TMEM276: variants seen among roughly 807,000 people sequenced by gnomAD.
The protein encoded by TMEM276 is transmembrane protein 276.
At chr8:144,466,830 G>T in the TMEM276 span, 1 of 1,536,850 alleles carries the variant, frequency 6.5e-7, no homozygotes, top group Non-Finnish European at 8.7e-7. Flanking sequence ...GAGCTGACCG[G>T]CCTGGCCGGT....
the TMEM276 span, chr8:144,465,390 C>G: frequency 9.7e-7 from 1 of 1,027,696 alleles, no homozygotes; most frequent in Non-Finnish European, 1.2e-6. Flanking sequence ...GAGCGGGAGG[C>G]CCGAGCCTGC....
the TMEM276 span, chr8:144,465,026 G>A: frequency 1.3e-6 from 2 of 1,536,244 alleles, no homozygotes; most frequent in Admixed American, 2.0e-5. Flanking sequence ...CCAGGTTCCA[G>A]GTCCCCATTA....
the TMEM276 span, chr8:144,464,162 G>C: frequency 6.2e-7 from 1 of 1,612,830 alleles, no homozygotes; most frequent in South Asian, 1.1e-5. Flanking sequence ...TGCAGGGCCC[G>C]GCAGTAAGCC....
the TMEM276 span, chr8:144,464,992 C>T: frequency 3.9e-6 from 6 of 1,551,464 alleles, no homozygotes; most frequent in African/African-American, 2.7e-5. Flanking sequence ...GACCTGGAGC[C>T]CTACGCGCGG....
the TMEM276 span, chr8:144,466,906 C>T: frequency 2.2e-5 from 35 of 1,559,514 alleles, no homozygotes; most frequent in African/African-American, 5.4e-5. Context: ...GGGCGGAGGC[C>T]TGGCTCAAGC....
At chr8:144,466,324 G>A in the TMEM276 span, 1 of 333,926 alleles carries the variant, frequency 3.0e-6, no homozygotes, top group Non-Finnish European at 4.8e-6. Context: ...CGGCCGTCGC[G>A]AGCATGCGCA....
At chr8:144,465,189 C>T in the TMEM276 span, 1 of 1,324,668 alleles carries the variant, frequency 7.5e-7, no homozygotes. Context: ...GGCCCTGGAG[C>T]CCAAGTGGGA....
the TMEM276 span, chr8:144,466,191 G>A: frequency 1.1e-5 from 2 of 177,024 alleles, no homozygotes; most frequent in Non-Finnish European, 2.3e-5. Flanking sequence ...GCGGTGTAGG[G>A]GTTGGGGCGC....
At chr8:144,466,020 AG>A in the TMEM276 span, 1 of 470 alleles carries the variant, frequency 2.1e-3, no homozygotes, top group Non-Finnish European at 7.4e-3. Context: ...GGCGGGGCTG[AG>A]ATGGGCGGGG....
chr8:144,466,474 G>T, the TMEM276 span: 2 of 1,346,024 alleles, frequency 1.5e-6, no homozygotes, highest in Non-Finnish European at 1.9e-6. Context: ...CTTCCGCAGG[G>T]ATGGTGGCGC....
the TMEM276 span, chr8:144,465,101 G>A: frequency 1.7e-5 from 25 of 1,502,514 alleles, no homozygotes; most frequent in Admixed American, 4.2e-4. Flanking sequence ...ACACACCTGT[G>A]GAGAAGAAGA....
the TMEM276 span, chr8:144,465,023 C>G: frequency 2.0e-6 from 3 of 1,536,548 alleles, no homozygotes; most frequent in Non-Finnish European, 2.6e-6. Flanking sequence ...AGCCCAGGTT[C>G]CAGGTCCCCA....
the TMEM276 span, chr8:144,465,040 G>T: frequency 1.3e-5 from 20 of 1,533,226 alleles, no homozygotes; most frequent in Non-Finnish European, 1.6e-5. Context: ...CCCATTACTG[G>T]ATGTTAGGAG....
the TMEM276 span, chr8:144,463,867 C>T: frequency 0.038 from 51,690 of 1,375,692 alleles, 1,187 homozygotes; most frequent in Non-Finnish European, 0.044. Context: ...TAGGCCTCTT[C>T]TCTGGATCCA....
At chr8:144,464,054 A>G in the TMEM276 span, 1 of 1,550,026 alleles carries the variant, frequency 6.5e-7, no homozygotes, top group Non-Finnish European at 8.7e-7. Context: ...CCTAGGGAGA[A>G]GGCGCCAGGA....
At chr8:144,464,337 G>C in the TMEM276 span, 1 of 1,612,104 alleles carries the variant, frequency 6.2e-7, no homozygotes, top group Non-Finnish European at 8.5e-7. Flanking sequence ...TGGTCACTGC[G>C]ACCACCAACA....
the TMEM276 span, chr8:144,466,524 CG>C: frequency 8.1e-7 from 1 of 1,231,292 alleles, no homozygotes; most frequent in African/African-American, 1.6e-5. Context: ...CCCAGGTGAG[CG>C]GGGCTGGCCG....
At chr8:144,464,108 G>T in the TMEM276 span, 3 of 1,596,096 alleles carry the variant, frequency 1.9e-6, no homozygotes, top group African/African-American at 2.7e-5. Flanking sequence ...CAGAAACCCT[G>T]CCTGGCTGTA....
the TMEM276 span, chr8:144,466,812 T>C: frequency 1.3e-6 from 2 of 1,537,840 alleles, no homozygotes; most frequent in African/African-American, 2.7e-5. Flanking sequence ...GCGCCAGAGC[T>C]GTGGACCGAG....
Sources: allele counts gnomAD v4.1 joint callset, GRCh38; gene constraint gnomAD v4.1.1; transcripts MANE v1.5; gene names NCBI Gene and HGNC (gene_info 2026-07-23, HGNC 2026-07-21).